SEMA3C: variants seen among roughly 807,000 people sequenced by gnomAD.
SEMA3C encodes semaphorin 3C.
In SEMA3C, 47 loss-of-function variants were observed where a neutral mutation model predicts 89.4. That is an observed-to-expected ratio of 0.53 (90% CI 0.42 to 0.67). The LOEUF (loss-of-function observed/expected upper bound fraction) is 0.67. Among genes scored for constraint, SEMA3C ranks in the 30% least tolerant of loss-of-function variants. The pLI, the probability that SEMA3C is intolerant of heterozygous loss-of-function variation, is 0.00. For synonymous variants in SEMA3C, 310 were observed against 320.2 expected, an observed-to-expected ratio of 0.97 and a Z score of 0.34; for missense variants, 839 against 929.1, an observed-to-expected ratio of 0.90 and a Z score of 1.26.
chr7:80,851,504 TAAAAA>T (rs35936052), intron 2 of SEMA3C, among the ~76,000 whole-genome samples: 8 of 69,802 alleles, frequency 1.1e-4, no homozygotes, highest in Admixed American at 2.3e-4. Context: ...CTCTTGTCTT[TAAAAA>T]AAAAAAAAAA....
intron 12 of SEMA3C, among the ~76,000 whole-genome samples, chr7:80,774,133 C>T (rs943401660): frequency 2.0e-5 from 3 of 152,134 alleles, no homozygotes; most frequent in Admixed American, 6.5e-5. Flanking sequence ...ACTGGAGTGA[C>T]ATGCTTTAAG....
intron 11 of SEMA3C, among the ~76,000 whole-genome samples, chr7:80,791,812 G>A (rs1323710689): frequency 6.6e-6 from 1 of 152,188 alleles, no homozygotes; most frequent in Non-Finnish European, 1.5e-5. Context: ...CTGTCCAACA[G>A]TATTAGTGCC....
chr7:80,822,412 A>T (rs1789773397), intron 4 of SEMA3C, among the ~76,000 whole-genome samples: 1 of 125,800 alleles, frequency 7.9e-6, no homozygotes, highest in African/African-American at 3.0e-5. Context: ...TAAATAAATA[A>T]AAATAAAAAA....
intron 11 of SEMA3C, chr7:80,796,464 C>T (rs1298259591): frequency 1.3e-5 from 2 of 152,012 alleles, no homozygotes; most frequent in Non-Finnish European, 2.9e-5. Context: ...CTGCAAGCTC[C>T]CCTCCCGGGT....
intron 2 of SEMA3C, among the ~76,000 whole-genome samples, chr7:80,894,072 G>A (rs1407150830): frequency 2.0e-5 from 3 of 152,066 alleles, no homozygotes; most frequent in Non-Finnish European, 4.4e-5. Flanking sequence ...CTTTGCCATC[G>A]TTAAAAAATA....
At chr7:80,773,919 A>G (rs2117078231) in intron 12 of SEMA3C, among the ~76,000 whole-genome samples, 1 of 152,344 alleles carries the variant, frequency 6.6e-6, no homozygotes, top group South Asian at 2.1e-4. Context: ...GGAAGAGAAA[A>G]GCTGGATGAA....
At chr7:80,815,690 A>C (rs1413985853) in intron 5 of SEMA3C, among the ~76,000 whole-genome samples, 1 of 152,102 alleles carries the variant, frequency 6.6e-6, no homozygotes, top group Non-Finnish European at 1.5e-5. Context: ...ATCCTACAAA[A>C]AGATACTGAA....
intron 2 of SEMA3C, among the ~76,000 whole-genome samples, chr7:80,889,617 CAT>C (rs1562925202): frequency 6.6e-6 from 1 of 151,874 alleles, no homozygotes. Context: ...TTTTGGGTAA[CAT>C]AAATACAAAT....
At chr7:80,913,522 G>T (rs1448391866) in intron 2 of SEMA3C, among the ~76,000 whole-genome samples, 1 of 152,210 alleles carries the variant, frequency 6.6e-6, no homozygotes, top group African/African-American at 2.4e-5. Flanking sequence ...TCATGCATAT[G>T]CAAATGTAAA....
At chr7:80,791,584 G>T (rs573022029) in intron 11 of SEMA3C, among the ~76,000 whole-genome samples, 1 of 152,240 alleles carries the variant, frequency 6.6e-6, no homozygotes, top group Non-Finnish European at 1.5e-5. Context: ...GACAAACTGG[G>T]GAGTTACGTG....
intron 2 of SEMA3C, among the ~76,000 whole-genome samples, chr7:80,871,211 G>C (rs193110156): frequency 6.6e-6 from 1 of 152,164 alleles, no homozygotes; most frequent in Non-Finnish European, 1.5e-5. Flanking sequence ...AGAGGGGAGC[G>C]AGTAGGAGAG....
At chr7:80,905,262 G>T (rs1427913855) in intron 2 of SEMA3C, among the ~76,000 whole-genome samples, 62 of 80,644 alleles carry the variant, frequency 7.7e-4, no homozygotes, top group African/African-American at 2.2e-3. Flanking sequence ...TAGGGAGAGA[G>T]AGGGAGAGAG....
At chr7:80,879,490 A>C (rs1583972764) in intron 2 of SEMA3C, among the ~76,000 whole-genome samples, 1 of 152,286 alleles carries the variant, frequency 6.6e-6, no homozygotes, top group East Asian at 1.9e-4. Context: ...GATGCTGCAC[A>C]AGAATTGGGA....
In SEMA3C at chr7:80,805,763, G is replaced by GA; in HGVS notation, c.539-6dup. On this transcript the variant is annotated splice_region_variant and splice_polypyrimidine_tract_variant and intron_variant, in intron 6 of 17. Coordinates refer to ENST00000265361, the MANE Select transcript of SEMA3C (RefSeq NM_006379.5). ...TTCCAGAGAAAAGCTCCTCATCTAT[G>GA]AAAAAGAAAATATCAATGAAATGTA... is the stretch of plus-strand genomic sequence containing the variant. The GA allele has an allele frequency of 6.4e-7, 1 of 1,574,198 alleles. No homozygotes were observed. The highest frequency in any genetic ancestry group is 8.6e-7 in the Non-Finnish European group (1 of 1,158,234).
At chr7:80,848,835 T>C (rs1466895353) in intron 2 of SEMA3C, among the ~76,000 whole-genome samples, 1 of 152,192 alleles carries the variant, frequency 6.6e-6, no homozygotes, top group Non-Finnish European at 1.5e-5. Flanking sequence ...TCAGTCTATG[T>C]TTTCGTTTTA....
chr7:80,834,492 T>C (rs943195632), intron 2 of SEMA3C, among the ~76,000 whole-genome samples: 5 of 152,170 alleles, frequency 3.3e-5, no homozygotes, highest in African/African-American at 1.2e-4. Context: ...GTTACAGCAA[T>C]TATAATATAG....
At position 80,789,417 on chromosome 7, in the gene SEMA3C, G is replaced by T. The variant is rs934417497; in HGVS notation, c.1243C>A (p.His415Asn). The change falls in exon 12 of 18, where the codon CAC becomes AAC. Residue 415 changes from histidine (H) to asparagine (N), a missense_variant. Physicochemically the swap from His to Asn is moderately conservative, Grantham distance 68. Coordinates refer to ENST00000265361, the MANE Select transcript of SEMA3C (RefSeq NM_006379.5). ...ATACGAACAATCAAAGGCCTTTTGTGGATTGGGTAGATGGAATTGTACATG... is the reference window on the plus strand; with the variant it reads ...ATACGAACAATCAAAGGCCTTTTGTTGATTGGGTAGATGGAATTGTACATG... Reference protein sequence around the residue: ...PLMYNSIYPIHKRPLIVRIGT... With the variant: ...PLMYNSIYPINKRPLIVRIGT... The T allele has an allele frequency of 6.2e-7, 1 of 1,613,882 alleles. No individual in the cohort carries two copies. The highest frequency in any genetic ancestry group is 8.5e-7 in the Non-Finnish European group (1 of 1,179,946).
At chr7:80,815,437 C>G (rs1789577230) in intron 5 of SEMA3C, among the ~76,000 whole-genome samples, 1 of 150,868 alleles carries the variant, frequency 6.6e-6, no homozygotes, top group South Asian at 2.1e-4. Context: ...ATTCAGCCTC[C>G]TACTCTGAGA....
chr7:80,763,789 G>A (rs1423589467), intron 13 of SEMA3C, among the ~76,000 whole-genome samples: 1 of 149,858 alleles, frequency 6.7e-6, no homozygotes, highest in Non-Finnish European at 1.5e-5. Flanking sequence ...TCTCCCTACT[G>A]AGTTGAATGA....
Sources: allele counts gnomAD v4.1 joint callset (sites outside exome capture counted in the v4.1 genomes callset), GRCh38; gene constraint gnomAD v4.1.1; transcripts MANE v1.5; gene names NCBI Gene and HGNC (gene_info 2026-07-23, HGNC 2026-07-21).